Variants in CSMD1 observed in about 807,000 individuals in gnomAD.
CSMD1 encodes CUB and Sushi multiple domains 1.
A neutral mutation model predicts 417.5 loss-of-function variants in CSMD1; 213 were observed. That is an observed-to-expected ratio of 0.51 (90% CI 0.46 to 0.57). CSMD1 has a LOEUF of 0.57. CSMD1 is among the 20% of genes least tolerant of loss of function. CSMD1 has a pLI of 0.00. For synonymous variants in CSMD1, 2,862 were observed against 1,736.8 expected (o/e 1.65, Z -16.11); for missense variants, 6,923 against 4,529.7 (o/e 1.53, Z -15.17).
chr8:3,884,765 A>C (rs995463156), intron 5 of CSMD1, among the ~76,000 whole-genome samples: 1 of 152,036 alleles, frequency 6.6e-6, no homozygotes, highest in Non-Finnish European at 1.5e-5. Flanking sequence ...AATGATTCTA[A>C]TCCCAATAGT....
intron 7 of CSMD1, among the ~76,000 whole-genome samples, chr8:3,644,447 A>G (rs2117337398): frequency 6.6e-6 from 1 of 152,332 alleles, no homozygotes; most frequent in South Asian, 2.1e-4. Flanking sequence ...CACGGTAGAA[A>G]GAAAAGAGAG....
chr8:4,166,599 T>A (rs185390406), intron 3 of CSMD1, among the ~76,000 whole-genome samples: 2 of 152,258 alleles, frequency 1.3e-5, no homozygotes, highest in South Asian at 4.2e-4. Context: ...CTTTGGGGAC[T>A]CACGGTGAAC....
At chr8:4,641,615 T>C (rs1803195278) in intron 1 of CSMD1, among the ~76,000 whole-genome samples, 1 of 152,188 alleles carries the variant, frequency 6.6e-6, no homozygotes, top group African/African-American at 2.4e-5. Flanking sequence ...CAAGGTCTTC[T>C]GACACCAAAG....
At chr8:3,113,691 T>C (rs10106035) in intron 42 of CSMD1, among the ~76,000 whole-genome samples, 99,220 of 152,046 alleles carry the variant, frequency 0.65, 33,886 homozygotes, top group Non-Finnish European at 0.75. Flanking sequence ...GGGGGTACTT[T>C]TGGTGATTCA....
At chr8:3,948,691 C>T (rs897515993) in intron 5 of CSMD1, among the ~76,000 whole-genome samples, 9 of 151,990 alleles carry the variant, frequency 5.9e-5, no homozygotes, top group African/African-American at 1.2e-4. Context: ...AGTTCTATTC[C>T]ACCAACTTAA....
At chr8:3,283,742 A>C (rs1224712796) in intron 26 of CSMD1, among the ~76,000 whole-genome samples, 2 of 152,236 alleles carry the variant, frequency 1.3e-5, no homozygotes, top group East Asian at 3.9e-4. Flanking sequence ...ACAGGGAAGA[A>C]GCTGAGCAAA....
intron 3 of CSMD1, among the ~76,000 whole-genome samples, chr8:4,246,672 A>C (rs7015600): frequency 0.1 from 15,325 of 152,200 alleles, 1,114 homozygotes; most frequent in East Asian, 0.37. Flanking sequence ...AACAAAAAAC[A>C]ACTTAACCCA....
chr8:3,909,051 G>C lies in CSMD1; in HGVS notation c.818+88852C>G, dbSNP rs139956796. On this transcript the variant is annotated intron_variant, in intron 5 of 69. Coordinates refer to ENST00000635120, the MANE Select transcript of CSMD1 (RefSeq NM_033225.6). Reference sequence around the variant, plus strand: ...TTTCACATTGTGGGTGAAATGCGGGGAGCAGCTGAGAAGGCCTTTGGAGAA... The same window carrying C: ...TTTCACATTGTGGGTGAAATGCGGGCAGCAGCTGAGAAGGCCTTTGGAGAA... Among the ~76,000 whole-genome samples the C allele has an allele frequency of 2.6e-5, 4 of 152,174 alleles. No homozygotes were observed. The South Asian group carries it at 8.3e-4, about 32-fold the overall frequency.
intron 6 of CSMD1, 146 bp downstream of exon 6, chr8:3,753,784 A>T: frequency 1.8e-6 from 1 of 549,158 alleles, no homozygotes; most frequent in Non-Finnish European, 3.2e-6. Context: ...GCTGTCGACT[A>T]TATGATTTCC....
chr8:3,793,378 A>G (rs1018865872), intron 5 of CSMD1, among the ~76,000 whole-genome samples: 3 of 152,156 alleles, frequency 2.0e-5, no homozygotes, highest in African/African-American at 7.2e-5. Flanking sequence ...TTTTCTGTTC[A>G]GAAACCAACC....
intron 3 of CSMD1, among the ~76,000 whole-genome samples, chr8:4,034,665 T>A (rs941440549): frequency 4.6e-5 from 7 of 151,896 alleles, no homozygotes; most frequent in Non-Finnish European, 1.0e-4. Flanking sequence ...ATGTGAAGAG[T>A]GAGAAAGGGA....
intron 5 of CSMD1, among the ~76,000 whole-genome samples, chr8:3,771,456 TG>T (rs778951927): frequency 2.0e-5 from 3 of 152,064 alleles, no homozygotes; most frequent in Non-Finnish European, 2.9e-5. Context: ...CAGTTGCTGG[TG>T]GGGGGGCAAG....
intron 18 of CSMD1, among the ~76,000 whole-genome samples, chr8:3,369,801 A>C (rs537412550): frequency 7.2e-5 from 11 of 152,340 alleles, no homozygotes; most frequent in African/African-American, 2.6e-4. Context: ...TAATCATTTC[A>C]ATGGGAAAGT....
intron 3 of CSMD1, among the ~76,000 whole-genome samples, chr8:4,131,517 A>G (rs1178570289): frequency 1.3e-5 from 2 of 152,186 alleles, no homozygotes; most frequent in Non-Finnish European, 2.9e-5. Flanking sequence ...ACTAAACATT[A>G]TGTTTAATAT....
chr8:3,820,352 T>A (rs552633761), intron 5 of CSMD1, among the ~76,000 whole-genome samples: 1 of 152,252 alleles, frequency 6.6e-6, no homozygotes, highest in South Asian at 2.1e-4. Flanking sequence ...GTGTTTGAAC[T>A]GGGATATATG....
At chr8:4,565,338 C>T (rs1202934019) in intron 2 of CSMD1, among the ~76,000 whole-genome samples, 1 of 152,164 alleles carries the variant, frequency 6.6e-6, no homozygotes, top group Non-Finnish European at 1.5e-5. Context: ...ACCAGTCTGC[C>T]TAAAAATGGC....
intron 1 of CSMD1, among the ~76,000 whole-genome samples, chr8:4,871,257 C>A (rs1166223814): frequency 6.6e-6 from 1 of 151,824 alleles, no homozygotes; most frequent in Non-Finnish European, 1.5e-5. Context: ...ATTGTGACAG[C>A]CCATTTTCTT....
At chr8:4,251,576 C>G (rs1010956814) in intron 3 of CSMD1, among the ~76,000 whole-genome samples, 4 of 152,164 alleles carry the variant, frequency 2.6e-5, no homozygotes, top group Non-Finnish European at 5.9e-5. Context: ...ACAGGTGACT[C>G]TATCCCAACC....
At chr8:3,874,497 T>A (rs545303576) in intron 5 of CSMD1, among the ~76,000 whole-genome samples, 4 of 152,204 alleles carry the variant, frequency 2.6e-5, no homozygotes, top group South Asian at 2.1e-4. Flanking sequence ...TTTTATGACG[T>A]TGCATTGAAA....
Sources: allele counts gnomAD v4.1 joint callset (sites outside exome capture counted in the v4.1 genomes callset), GRCh38; gene constraint gnomAD v4.1.1; transcripts MANE v1.5; gene names NCBI Gene and HGNC (gene_info 2026-07-23, HGNC 2026-07-21).